Variants in GYPB observed in about 807,000 individuals in gnomAD.
GYPB encodes the protein glycophorin B (MNS blood group).
A neutral mutation model predicts 15.3 loss-of-function variants in GYPB; 13 were observed. The observed-to-expected ratio is 0.85, with a 90% CI of 0.55 to 1.35. GYPB has a LOEUF of 1.35. Among genes scored for constraint, GYPB ranks in the 40% most tolerant of loss-of-function variants. The probability of loss-of-function intolerance (pLI) is 0.00; values close to 1 mark genes in which losing one functional copy is unlikely to be tolerated. For synonymous variants in GYPB, 38 were observed against 36.9 expected (o/e 1.03, Z -0.11); for missense variants, 131 against 108.3 (o/e 1.21, Z -0.93).
Position 144,013,728 on chromosome 4 carries a change from A to C in GYPB, c.37+5523T>G, listed in dbSNP as rs1363860271. On this transcript the variant is annotated intron_variant, in intron 1 of 4. Coordinates refer to ENST00000502664, the MANE Select transcript of GYPB (RefSeq NM_002100.6). ...GGTGGGAATTGAACAATGAGATCAC[A>C]TGGACACAGGAAGGGGAATATTACA... Among the ~76,000 whole-genome samples, 5 of 127,682 alleles carry C rather than the reference A, an allele frequency of 3.9e-5. 1 individual carries two copies. Among genetic ancestry groups the C allele is most frequent in the Admixed American group, 3.7e-4 (4 of 10,944 alleles). 83.8% of individuals were successfully genotyped at this position (127,682 alleles called of 152,430 possible).
chr4:144,012,939 GAA>G (rs913532353), intron 1 of GYPB, among the ~76,000 whole-genome samples: 1,648 of 83,512 alleles, frequency 0.02, no homozygotes, highest in Admixed American at 0.032. Context: ...AGCAACAAAA[GAA>G]AAAAATAAAT....
chr4:144,005,014 A>AT (rs1344969125), intron 1 of GYPB, among the ~76,000 whole-genome samples: 1 of 151,944 alleles, frequency 6.6e-6, no homozygotes, highest in African/African-American at 2.4e-5. Context: ...CTCTCCTGTT[A>AT]TTTTTATCTC....
In GYPB at chr4:143,996,390, G is replaced by T. The variant is rs368896653; in HGVS notation, c.271-86C>A. 14 of 1,545,728 alleles carry T rather than the reference G, an allele frequency of 9.1e-6. No individual in the cohort carries two copies. In the African/African-American group the frequency reaches 1.7e-4, roughly 19 times the overall value. On this transcript the variant is annotated intron_variant, in intron 4 of 4. Transcript: ENST00000502664. ...CACTTCAGCCTCTGATTGGTCACAG[G>T]CCAATCCTTCACAGGCTGTAGCCAA...
At chr4:144,010,769 C>A (rs1419552568) in intron 1 of GYPB, among the ~76,000 whole-genome samples, 1 of 151,420 alleles carries the variant, frequency 6.6e-6, no homozygotes, top group Non-Finnish European at 1.5e-5. Context: ...CTTTATCCAG[C>A]TTATCTAGCT....
chr4:144,019,011 A>C (rs1426598718), intron 1 of GYPB, among the ~76,000 whole-genome samples: 2 of 151,366 alleles, frequency 1.3e-5, no homozygotes, highest in African/African-American at 2.5e-5. Context: ...AGCTAGACTT[A>C]GAATTGAAGT....
At chr4:144,014,822 A>G (rs1728407495) in intron 1 of GYPB, among the ~76,000 whole-genome samples, 1 of 151,560 alleles carries the variant, frequency 6.6e-6, no homozygotes, top group African/African-American at 2.4e-5. Flanking sequence ...AGTGTATGTA[A>G]ATTGCTTAGA....
intron 3 of GYPB, among the ~76,000 whole-genome samples, chr4:143,998,034 G>C (rs1435405835): frequency 1.3e-5 from 2 of 151,358 alleles, no homozygotes; most frequent in Non-Finnish European, 2.9e-5. Context: ...ATATAAAAGA[G>C]CATTGAACAG....
At chr4:143,995,379 G>A (rs189101011), downstream of GYPB, among the ~76,000 whole-genome samples, 112 of 151,480 alleles carry the variant, frequency 7.4e-4, no homozygotes, top group African/African-American at 5.4e-4. Context: ...CCTGCTCTAC[G>A]TCCTGTTTTT....
rs769568924 is a variant in GYPB, at chr4:143,997,648, C to G, written c.176-14G>C. ...TCACTACAGGAGCTAAAGAGAGCAG[C>G]AAAATTATGAAAGTCTGAAATAAAT... On this transcript the variant is annotated splice_polypyrimidine_tract_variant and intron_variant, in intron 3 of 4. Transcript: ENST00000502664. 125 of 1,331,670 alleles carry G rather than the reference C, an allele frequency of 9.4e-5. No individual in the cohort carries two copies. Among genetic ancestry groups the G allele is most frequent in the Admixed American group, 2.5e-4 (15 of 59,544 alleles). 82.5% of individuals were successfully genotyped at this position (1,331,670 alleles called of 1,614,324 possible). A position where few individuals can be genotyped will look rare whatever the true frequency, so the allele number is the denominator to read the frequency against.
intron 1 of GYPB, among the ~76,000 whole-genome samples, chr4:144,007,320 G>A (rs1422184884): frequency 6.6e-6 from 1 of 151,914 alleles, no homozygotes; most frequent in Non-Finnish European, 1.5e-5. Flanking sequence ...AATGGAATGA[G>A]CCAGTTTCTG....
In GYPB at chr4:144,018,958, G is replaced by A. The variant is rs1579076787; in HGVS notation, c.37+293C>T. 5.3e-5 allele frequency among the ~76,000 whole-genome samples: 8 copies of A among 151,486 alleles called. No homozygotes were observed. In the South Asian group the frequency reaches 1.5e-3, roughly 27 times the overall value. On this transcript the variant is annotated intron_variant, in intron 1 of 4. Coordinates refer to ENST00000502664, the MANE Select transcript of GYPB (RefSeq NM_002100.6). ...AAACAAAGCAATACATTTATTCACAGAGAGCTATTTCTCATAGCATTTGAT... is the reference window on the plus strand; with the variant it reads ...AAACAAAGCAATACATTTATTCACAAAGAGCTATTTCTCATAGCATTTGAT...
At chr4:144,001,610 G>T (rs781327878) in intron 1 of GYPB, among the ~76,000 whole-genome samples, 4 of 151,422 alleles carry the variant, frequency 2.6e-5, no homozygotes, top group Middle Eastern at 3.4e-3. Flanking sequence ...AAATATGTGT[G>T]TGTATGTGGT....
intron 1 of GYPB, chr4:144,002,749 A>C: frequency 8.1e-7 from 1 of 1,234,604 alleles, no homozygotes; most frequent in South Asian, 1.3e-5. Context: ...TCATTAGTCT[A>C]CTCAAGGGAA....
In GYPB at chr4:144,006,928, G is replaced by A. The variant is rs561142248; in HGVS notation, c.38-5645C>T. 2.6e-4 allele frequency among the ~76,000 whole-genome samples: 39 copies of A among 151,126 alleles called. No individual in the cohort carries two copies. In the South Asian group the frequency reaches 4.4e-3, roughly 17 times the overall value. ...TCTCATTGTCTTGGACAGAATTAAC[G>A]TATAAATGGGAATCTTGCCTGTGCT... On this transcript the variant is annotated intron_variant, in intron 1 of 4. Coordinates refer to ENST00000502664, the MANE Select transcript of GYPB (RefSeq NM_002100.6).
intron 2 of GYPB, 91 bp downstream of exon 2, chr4:144,001,094 A>T (rs1055553840): frequency 3.4e-5 from 54 of 1,601,848 alleles, no homozygotes; most frequent in Non-Finnish European, 4.2e-5. Context: ...AGTGTTTGTC[A>T]GTTTCTCTGC....
intron 1 of GYPB, among the ~76,000 whole-genome samples, chr4:144,014,174 G>A (rs1192140665): frequency 6.6e-6 from 1 of 151,862 alleles, no homozygotes; most frequent in African/African-American, 2.4e-5. Context: ...TGCAGCTCCT[G>A]TGGAAAAGAG....
intron 3 of GYPB, among the ~76,000 whole-genome samples, chr4:143,997,884 G>A (rs972774553): frequency 6.0e-5 from 9 of 151,246 alleles, no homozygotes; most frequent in East Asian, 5.8e-4. Flanking sequence ...TAAGACCTGA[G>A]GCTTCTGATT....
intron 1 of GYPB, among the ~76,000 whole-genome samples, chr4:144,015,552 A>G (rs1404203214): frequency 6.6e-6 from 1 of 151,506 alleles, no homozygotes; most frequent in Non-Finnish European, 1.5e-5. Flanking sequence ...AGTCTCATAG[A>G]TGTTTTGAAT....
At chr4:144,003,653 G>T (rs1478324028) in intron 1 of GYPB, among the ~76,000 whole-genome samples, 2 of 151,422 alleles carry the variant, frequency 1.3e-5, no homozygotes, top group African/African-American at 4.9e-5. Context: ...GGGAGAGAGA[G>T]CTTATTTAGA....
Sources: gnomAD v4.1 joint callset for allele counts (sites outside exome capture counted in the v4.1 genomes callset) on GRCh38, gnomAD v4.1.1 for gene constraint, MANE v1.5 for transcripts, NCBI Gene and HGNC (gene_info 2026-07-23, HGNC 2026-07-21) for gene names.